TFCP2L1: variants seen among roughly 807,000 people sequenced by gnomAD.
TFCP2L1 encodes the protein transcription factor CP2 like 1, also known as transcription factor CP2-like protein 1.
Under a neutral mutation model 72.2 loss-of-function variants are expected in TFCP2L1, and 12 were observed. That is an observed-to-expected ratio of 0.17 (90% CI 0.11 to 0.27). The LOEUF is 0.27. Ranked by LOEUF, TFCP2L1 falls within the 10% of genes least tolerant of loss-of-function variation. The probability of loss-of-function intolerance (pLI) is 1.00; values close to 1 mark genes in which losing one functional copy is unlikely to be tolerated. For missense variants in TFCP2L1, 488 were observed against 624.6 expected (o/e 0.78, Z 2.33); for synonymous variants, 260 against 251.0 (o/e 1.04, Z -0.34).
intron 4 of TFCP2L1, 48 bp from the exon 5 acceptor site, chr2:121,248,318 C>T: frequency 6.7e-7 from 1 of 1,484,306 alleles, no homozygotes; most frequent in Non-Finnish European, 9.3e-7. Flanking sequence ...CAGCCTCTCC[C>T]AAATATTTAG....
intron 1 of TFCP2L1, 121 bp from the exon 2 acceptor site, chr2:121,281,392 C>T (rs982885166): frequency 1.2e-5 from 13 of 1,127,036 alleles, no homozygotes; most frequent in Middle Eastern, 2.3e-4. Flanking sequence ...GCACGCGCAT[C>T]GCAGGGTGCT....
intron 6 of TFCP2L1, among the ~76,000 whole-genome samples, chr2:121,245,043 T>G (rs1031544557): frequency 1.3e-5 from 2 of 152,024 alleles, no homozygotes; most frequent in African/African-American, 4.8e-5. Flanking sequence ...ACATGGCAAA[T>G]GGGGAATGGA....
At chr2:121,247,700 G>C (rs1467720908) in intron 5 of TFCP2L1, among the ~76,000 whole-genome samples, 1 of 152,090 alleles carries the variant, frequency 6.6e-6, no homozygotes, top group East Asian at 1.9e-4. Context: ...CTTGCTCAAG[G>C]ACACACAGCA....
intron 1 of TFCP2L1, 36 bp downstream of exon 1, chr2:121,285,012 G>C: frequency 6.9e-7 from 1 of 1,451,722 alleles, no homozygotes. Flanking sequence ...CCGCCGGCCC[G>C]GCCCGAGACC....
intron 11 of TFCP2L1, 151 bp downstream of exon 11, chr2:121,235,070 C>T (rs575966200): frequency 5.3e-6 from 4 of 759,286 alleles, no homozygotes; most frequent in Non-Finnish European, 6.5e-6. Flanking sequence ...GCCCCTCTTG[C>T]CACATTTCCT....
chr2:121,231,891 G>A lies in TFCP2L1; in HGVS notation c.1276C>T (p.Pro426Ser), dbSNP rs1558727218. The change falls in exon 13 of 15, where the codon CCC (proline) becomes TCC (serine). Residue 426 changes from proline (P) to serine (S), a missense_variant. Pro to Ser is a moderately conservative substitution (Grantham distance 74). Transcript: ENST00000263707. ...CGGTAGACTCGGTGGATGTGCTGGG[G>A]GGAGATGCTGTACAGGTTGGCGATC... is the stretch of plus-strand genomic sequence containing the variant. ...EKIANLYSIS[P>S]QHIHRVYRQG... 6.2e-7 allele frequency: 1 copy of A among 1,613,626 alleles called. No individual in the cohort carries two copies. Among genetic ancestry groups the A allele is most frequent in the African/African-American group, 1.3e-5 (1 of 75,046 alleles).
At position 121,221,035 on chromosome 2, in the gene TFCP2L1, T is replaced by C. The variant is rs1224760208; in HGVS notation, c.*3306A>G. 7 of 152,216 alleles carry C rather than the reference T, an allele frequency of 4.6e-5. No individual in the cohort carries two copies. The highest frequency in any genetic ancestry group is 5.9e-5 in the Non-Finnish European group (4 of 68,046). 9.4% of individuals were successfully genotyped at this position (152,216 alleles called of 1,614,324 possible). Reference sequence around the variant, plus strand: ...CCTCCTACACTTTTGAGAATTAAAATTTAGCCCACCATCATTTGGCCTTGG... The same window carrying C: ...CCTCCTACACTTTTGAGAATTAAAACTTAGCCCACCATCATTTGGCCTTGG... On this transcript the variant is annotated 3_prime_UTR_variant, in exon 15 of 15. Coordinates refer to ENST00000263707, the MANE Select transcript of TFCP2L1 (RefSeq NM_014553.3).
In TFCP2L1 at chr2:121,219,671, A is replaced by G. The variant is rs1174506893; in HGVS notation, c.*4670T>C. 6.6e-6 allele frequency: 1 copy of G among 152,236 alleles called. No individual in the cohort carries two copies. The highest frequency in any genetic ancestry group is 1.9e-4 in the East Asian group (1 of 5,204). The allele number at this position is 152,236 out of a possible 1,614,324, so 9.4% of individuals were successfully genotyped here. On this transcript the variant is annotated 3_prime_UTR_variant, in exon 15 of 15. Coordinates refer to ENST00000263707, the MANE Select transcript of TFCP2L1 (RefSeq NM_014553.3). ...AAAAAGACAGAGATGGAGTCTCACT[A>G]CGATGCCCAGGCTGGTCTCGAACTC...
At chr2:121,249,896 C>G (rs368203954) in intron 2 of TFCP2L1, among the ~76,000 whole-genome samples, 1 of 152,228 alleles carries the variant, frequency 6.6e-6, no homozygotes, top group East Asian at 1.9e-4. Context: ...GATAGCACCT[C>G]TACAATGTTC....
Position 121,223,109 on chromosome 2 carries a change from T to TC in TFCP2L1, c.*1231dup, listed in dbSNP as rs1367680151. ...GTCTAGCACTTCATTCCACAGAAGC[T>TC]CCATTTAGAAGCTATGACATCCCAT... On this transcript the variant is annotated 3_prime_UTR_variant, in exon 15 of 15. Coordinates refer to ENST00000263707, the MANE Select transcript of TFCP2L1 (RefSeq NM_014553.3). 2 of 152,240 alleles carry TC rather than the reference T, an allele frequency of 1.3e-5. No individual in the cohort carries two copies. The highest frequency in any genetic ancestry group is 3.9e-4 in the East Asian group (2 of 5,178). 9.4% of individuals were successfully genotyped at this position (152,240 alleles called of 1,614,324 possible). A position where few individuals can be genotyped will look rare whatever the true frequency, so the allele number is the denominator to read the frequency against.
At chr2:121,237,480 T>A in intron 10 of TFCP2L1, 143 bp downstream of exon 10, 1 of 908,264 alleles carries the variant, frequency 1.1e-6, no homozygotes, top group Non-Finnish European at 1.7e-6. Context: ...TTGGGGCACG[T>A]GAGCGAGCGA....
intron 2 of TFCP2L1, among the ~76,000 whole-genome samples, chr2:121,249,980 C>T (rs762259395): frequency 1.3e-5 from 2 of 152,206 alleles, no homozygotes; most frequent in Non-Finnish European, 2.9e-5. Flanking sequence ...TTTACAAACC[C>T]CCCAATACAA....
rs894659550 is a variant in TFCP2L1, at chr2:121,216,599, G to A, written c.*7742C>T. 6.6e-6 allele frequency: 1 copy of A among 152,226 alleles called. No individual in the cohort carries two copies. The highest frequency in any genetic ancestry group is 1.5e-5 in the Non-Finnish European group (1 of 68,046). 9.4% of individuals were successfully genotyped at this position (152,226 alleles called of 1,614,324 possible). On this transcript the variant is annotated 3_prime_UTR_variant, in exon 15 of 15. Transcript: ENST00000263707. ...TGAGCCACAGAGGTTTCTTACAAAT[G>A]TGAGTTTTATTTGCATTCTAACCCA...
In TFCP2L1 at chr2:121,224,971, C is replaced by T. The variant is rs1367787182; in HGVS notation, c.1394-584G>A. The stretch of plus-strand genomic sequence containing the variant: ...TTGCCCTCCAGCCTGGGTGACAGAG[C>T]AAGACTCCATCAAAAAAAAAAAAAA... On this transcript the variant is annotated intron_variant, in intron 14 of 14. Transcript: ENST00000263707. 2.8e-5 allele frequency among the ~76,000 whole-genome samples: 4 copies of T among 141,704 alleles called. No homozygotes were observed. The East Asian group carries it at 8.2e-4, about 29-fold the overall frequency. 93.0% of individuals were successfully genotyped at this position (141,704 alleles called of 152,430 possible). A position where few individuals can be genotyped will look rare whatever the true frequency, so the allele number is the denominator to read the frequency against.
intron 2 of TFCP2L1, among the ~76,000 whole-genome samples, chr2:121,252,759 T>G (rs1294277884): frequency 6.6e-6 from 1 of 152,210 alleles, no homozygotes. Context: ...GAGAGAATCA[T>G]TTTTTGTTTT....
At chr2:121,234,723 G>C (rs532189067) in intron 11 of TFCP2L1, among the ~76,000 whole-genome samples, 2 of 152,188 alleles carry the variant, frequency 1.3e-5, no homozygotes, top group African/African-American at 4.8e-5. Context: ...CATCAGCCTC[G>C]GTCCAAGTGC....
chr2:121,224,437 C>CCA, intron 14 of TFCP2L1, 50 bp from the exon 15 acceptor site: 1 of 1,595,200 alleles, frequency 6.3e-7, no homozygotes, highest in East Asian at 2.2e-5. Context: ...AGGTGCAGTG[C>CCA]CACAGTATTG....
In TFCP2L1 at chr2:121,222,136, AAGAC is replaced by A. The variant is rs1477291546; in HGVS notation, c.*2201_*2204del. On this transcript the variant is annotated 3_prime_UTR_variant, in exon 15 of 15. Transcript: ENST00000263707. ...TACTCATTAGGATGCTAAAAGCAAA[AAGAC>A]AGATAATAGCAAGTGTTGATGAGGA... 6.6e-6 allele frequency: 1 copy of A among 152,214 alleles called. No homozygotes were observed. Among genetic ancestry groups the A allele is most frequent in the Non-Finnish European group, 1.5e-5 (1 of 68,036 alleles). 9.4% of individuals were successfully genotyped at this position (152,214 alleles called of 1,614,324 possible). A position where few individuals can be genotyped will look rare whatever the true frequency, so the allele number is the denominator to read the frequency against.
At chr2:121,230,042 G>C (rs1686108715) in intron 13 of TFCP2L1, among the ~76,000 whole-genome samples, 1 of 152,146 alleles carries the variant, frequency 6.6e-6, no homozygotes, top group Non-Finnish European at 1.5e-5. Flanking sequence ...GTCAGGTGGG[G>C]CTCTATAATC....
Sources: allele counts gnomAD v4.1 joint callset (sites outside exome capture counted in the v4.1 genomes callset), GRCh38; gene constraint gnomAD v4.1.1; transcripts MANE v1.5; gene names NCBI Gene and HGNC (gene_info 2026-07-23, HGNC 2026-07-21).